Variants in SCUBE1 observed in about 807,000 individuals in gnomAD.
SCUBE1 encodes the protein signal peptide, CUB and EGF-like domain-containing protein 1.
SCUBE1 carries 59 observed loss-of-function variants against 124.4 expected under a neutral mutation model. That is an observed-to-expected ratio of 0.47 (90% CI 0.38 to 0.59). The LOEUF is 0.59. Ranked by LOEUF, SCUBE1 falls within the 20% of genes least tolerant of loss-of-function variation. The pLI, the probability that SCUBE1 is intolerant of heterozygous loss-of-function variation, is 0.00. For synonymous variants in SCUBE1, 545 were observed against 550.9 expected (o/e 0.99, Z 0.15); for missense variants, 1,150 against 1,371.2 (o/e 0.84, Z 2.55).
At chr22:43,233,150 A>C (rs1008163975) in intron 7 of SCUBE1, among the ~76,000 whole-genome samples, 4 of 152,172 alleles carry the variant, frequency 2.6e-5, no homozygotes, top group Non-Finnish European at 4.4e-5. Flanking sequence ...GGATCACCTG[A>C]GGTCGGGAGT....
At chr22:43,220,649 A>G (rs1422683188) in intron 13 of SCUBE1, 62 bp from the exon 14 acceptor site, 6 of 1,580,166 alleles carry the variant, frequency 3.8e-6, no homozygotes. Context: ...GGTCCTACCA[A>G]GCCCTGCATA....
intron 2 of SCUBE1, among the ~76,000 whole-genome samples, chr22:43,335,644 C>T (rs1406402483): frequency 4.6e-5 from 7 of 152,192 alleles, no homozygotes; most frequent in Non-Finnish European, 1.0e-4. Context: ...ATAACTATCA[C>T]CTCCCAGGTA....
At chr22:43,319,755 C>T (rs1042134347) in intron 3 of SCUBE1, among the ~76,000 whole-genome samples, 182 bp downstream of exon 3, 10 of 152,010 alleles carry the variant, frequency 6.6e-5, no homozygotes, top group African/African-American at 1.5e-4. Context: ...TCCAGAACTG[C>T]GAGGCAATAC....
At position 43,198,676 on chromosome 22, in the gene SCUBE1, G is replaced by C. The variant is rs1247652630; in HGVS notation, c.*5321C>G. The stretch of plus-strand genomic sequence containing the variant: ...CTCAATGTCAGGTGCAGTTTGCCAG[G>C]GTGACCAGACTTCCTGAGCATGGAC... On this transcript the variant is annotated 3_prime_UTR_variant, in exon 22 of 22. Transcript: ENST00000360835. The C allele has an allele frequency of 3.7e-4, 169 of 456,600 alleles. No homozygotes were observed. The highest frequency in any genetic ancestry group is 8.8e-5 in the Non-Finnish European group (20 of 226,986). The allele number at this position is 456,600 out of a possible 1,614,324, so 28.3% of individuals were successfully genotyped here. A position where few individuals can be genotyped will look rare whatever the true frequency, so the allele number is the denominator to read the frequency against.
At chr22:43,279,433 T>G (rs1924671269) in intron 4 of SCUBE1, among the ~76,000 whole-genome samples, 2 of 152,144 alleles carry the variant, frequency 1.3e-5, no homozygotes, top group Non-Finnish European at 2.9e-5. Flanking sequence ...CACCACAGAG[T>G]AAGCATGTGC....
chr22:43,250,892 C>T (rs531104067), intron 6 of SCUBE1, among the ~76,000 whole-genome samples: 6 of 152,304 alleles, frequency 3.9e-5, no homozygotes, highest in Admixed American at 1.3e-4. Context: ...TGCAGAACCG[C>T]GTCCCTCAGG....
rs958115669 is a variant in SCUBE1 at position 43,269,316 on chromosome 22, G to A, written c.485-6471C>T. Among the ~76,000 whole-genome samples, 6 of 152,282 alleles carry A rather than the reference G, an allele frequency of 3.9e-5. No individual in the cohort carries two copies. The East Asian group carries it at 9.7e-4, about 25-fold the overall frequency. The stretch of plus-strand genomic sequence containing the variant: ...TCATTCTTGGGTACTCCACTAGAGT[G>A]TGCGCAGAGAGAAACGATGGCATGG... On this transcript the variant is annotated intron_variant, in intron 4 of 21. Transcript: ENST00000360835.
Position 43,234,030 on chromosome 22 carries a change from C to T in SCUBE1, c.845-2155G>A, listed in dbSNP as rs937713873. Among the ~76,000 whole-genome samples, 16 of 151,966 alleles carry T rather than the reference C, an allele frequency of 1.1e-4. No individual in the cohort carries two copies. The highest frequency in any genetic ancestry group is 2.9e-4 in the African/African-American group (12 of 41,360). ...GAGCCGGCTCTCAGCCAGCACCATC[C>T]GAACCCAAAGACGGGCCTGCTGCAG... On this transcript the variant is annotated intron_variant, in intron 7 of 21. Transcript: ENST00000360835. The surrounding 1 kb of genome is among the most constrained non-coding windows in gnomAD (Gnocchi z 4.4).
chr22:43,214,213 C>T lies in SCUBE1; in HGVS notation c.1930G>A (p.Gly644Ser), dbSNP rs781738598. Residue 644 changes from glycine to serine, a missense_variant, in exon 16 of 22, where the codon GGC (glycine) becomes AGC (serine). Physicochemically the swap from Gly to Ser is moderately conservative, Grantham distance 56. Coordinates refer to ENST00000360835, the MANE Select transcript of SCUBE1 (RefSeq NM_173050.5). ...GPGTHFGGELGQCVSCMPGTY... is the reference protein window; with the variant it reads ...GPGTHFGGELSQCVSCMPGTY... ...CCTGGCATACATGACACACACTGGC[C>T]GAGCTCACCACCGAAGTGGGTGCCA... 1.4e-5 allele frequency: 23 copies of T among 1,612,824 alleles called. No individual in the cohort carries two copies. The highest frequency in any genetic ancestry group is 2.2e-5 in the East Asian group (1 of 44,896).
intron 3 of SCUBE1, among the ~76,000 whole-genome samples, chr22:43,307,723 G>A (rs5759274): frequency 0.48 from 72,214 of 152,010 alleles, 17,392 homozygotes; most frequent in Non-Finnish European, 0.49. Flanking sequence ...ACAGCGTGAG[G>A]CCCCTGCATG....
At chr22:43,267,194 C>CAA (rs1472464790) in intron 4 of SCUBE1, among the ~76,000 whole-genome samples, 1 of 152,154 alleles carries the variant, frequency 6.6e-6, no homozygotes, top group Non-Finnish European at 1.5e-5. Context: ...GTTGGGGAGA[C>CAA]ATGAGCTTCA....
chr22:43,222,967 C>T, intron 11 of SCUBE1, 130 bp downstream of exon 11: 1 of 1,302,932 alleles, frequency 7.7e-7, no homozygotes, highest in Non-Finnish European at 1.0e-6. Flanking sequence ...GCCTTAGGGT[C>T]ACTCAGTTAT....
Position 43,234,878 on chromosome 22 carries a change from T to A in SCUBE1, c.845-3003A>T, listed in dbSNP as rs1401111212. ...GCTGCTTTGCCTCCTTTCTCCAGGC[T>A]GCTTGGCTCCTGCCCTGGCAGCCTG... is the stretch of plus-strand genomic sequence containing the variant. On this transcript the variant is annotated intron_variant, in intron 7 of 21. Coordinates refer to ENST00000360835, the MANE Select transcript of SCUBE1 (RefSeq NM_173050.5). The surrounding 1 kb of genome is among the most constrained non-coding windows in gnomAD (Gnocchi z 4.4). Among the ~76,000 whole-genome samples, 1 of 152,196 alleles carries A rather than the reference T, an allele frequency of 6.6e-6. No homozygotes were observed. Among genetic ancestry groups the A allele is most frequent in the Non-Finnish European group, 1.5e-5 (1 of 68,032 alleles).
At chr22:43,219,727 G>C (rs551063845) in intron 14 of SCUBE1, among the ~76,000 whole-genome samples, 2 of 152,196 alleles carry the variant, frequency 1.3e-5, no homozygotes, top group Non-Finnish European at 2.9e-5. Flanking sequence ...ACCCACTTTG[G>C]CCCTCCCAGA....
intron 6 of SCUBE1, among the ~76,000 whole-genome samples, chr22:43,252,851 AATAC>A (rs1179978071): frequency 6.7e-6 from 1 of 149,664 alleles, no homozygotes; most frequent in Non-Finnish European, 1.5e-5. Context: ...CGCCTCTATT[AATAC>A]AACGTGGGGG....
chr22:43,209,023 T>C (rs557978912), intron 19 of SCUBE1, among the ~76,000 whole-genome samples: 1 of 151,242 alleles, frequency 6.6e-6, no homozygotes, highest in East Asian at 1.9e-4. Flanking sequence ...GGGGAACGGG[T>C]GAGGGGAACG....
chr22:43,229,391 G>C (rs925807811), intron 8 of SCUBE1, among the ~76,000 whole-genome samples: 19 of 152,350 alleles, frequency 1.2e-4, no homozygotes, highest in Non-Finnish European at 2.8e-4. Context: ...TTCTGTTTCT[G>C]GGTTGGGAGC....
chr22:43,231,149 G>A (rs6003117), intron 8 of SCUBE1, among the ~76,000 whole-genome samples: 18,602 of 152,114 alleles, frequency 0.12, 1,262 homozygotes, highest in African/African-American at 0.19. Context: ...GGCCGGCAGC[G>A]CCATCTCCTG....
intron 10 of SCUBE1, among the ~76,000 whole-genome samples, chr22:43,224,027 C>T (rs1569500439): frequency 6.6e-6 from 1 of 152,252 alleles, no homozygotes; most frequent in Non-Finnish European, 1.5e-5. Flanking sequence ...GCTCCCTGAG[C>T]CTGCCTGACC....
Sources: gnomAD v4.1 joint callset for allele counts (sites outside exome capture counted in the v4.1 genomes callset) on GRCh38, gnomAD v4.1.1 for gene constraint, Gnocchi (gnomAD v3.1) non-coding constraint, MANE v1.5 for transcripts, NCBI Gene and HGNC (gene_info 2026-07-23, HGNC 2026-07-21) for gene names.